ASXL3: variants seen among roughly 807,000 people sequenced by gnomAD.
ASXL3 encodes ASXL transcriptional regulator 3, also known as putative Polycomb group protein ASXL3.
A neutral mutation model predicts 170.6 loss-of-function variants in ASXL3; 34 were observed. The ratio of observed to expected loss-of-function variants is 0.20; its 90% CI spans 0.15 to 0.27. The LOEUF is 0.27. ASXL3 is among the 10% of genes least tolerant of loss of function. The pLI is 1.00. For synonymous variants in ASXL3, 1,002 were observed against 989.1 expected, an observed-to-expected ratio of 1.01 and a Z score of -0.24; for missense variants, 2,592 against 2,695.3, an observed-to-expected ratio of 0.96 and a Z score of 0.85.
chr18:33,639,732 C>G (rs949079732), intron 2 of ASXL3, among the ~76,000 whole-genome samples: 1 of 152,056 alleles, frequency 6.6e-6, no homozygotes, highest in African/African-American at 2.4e-5. Flanking sequence ...TATAGTCTAT[C>G]TAATGATATC....
intron 7 of ASXL3, among the ~76,000 whole-genome samples, chr18:33,680,152 G>T (rs1599485665): frequency 6.6e-6 from 1 of 151,722 alleles, no homozygotes; most frequent in Non-Finnish European, 1.5e-5. Flanking sequence ...AAAAATTTCG[G>T]TATCATTAAA....
At chr18:33,709,543 TG>T (rs2067020902) in intron 8 of ASXL3, among the ~76,000 whole-genome samples, 1 of 152,202 alleles carries the variant, frequency 6.6e-6, no homozygotes, top group African/African-American at 2.4e-5. Flanking sequence ...GTGTATGTAC[TG>T]TGTAATTCCA....
At chr18:33,672,987 ATTT>A (rs1027076020) in intron 7 of ASXL3, among the ~76,000 whole-genome samples, 44 of 152,250 alleles carry the variant, frequency 2.9e-4, no homozygotes, top group African/African-American at 1.0e-3. Flanking sequence ...AGGCCAAATA[ATTT>A]TAGTTATTCT....
chr18:33,659,011 A>G (rs1449560193), intron 4 of ASXL3, among the ~76,000 whole-genome samples: 2 of 152,112 alleles, frequency 1.3e-5, no homozygotes, highest in Admixed American at 1.3e-4. Context: ...TAATAAATTT[A>G]ACTCAAAATG....
chr18:33,621,044 C>A (rs1318935267), intron 2 of ASXL3, among the ~76,000 whole-genome samples: 1 of 152,116 alleles, frequency 6.6e-6, no homozygotes, highest in Admixed American at 6.6e-5. Flanking sequence ...CTCTTCAAAA[C>A]AGATCATTCA....
At chr18:33,678,987 G>A (rs952548500) in intron 7 of ASXL3, among the ~76,000 whole-genome samples, 1 of 152,108 alleles carries the variant, frequency 6.6e-6, no homozygotes, top group African/African-American at 2.4e-5. Flanking sequence ...TTTATTCTAT[G>A]ATATTCTTAA....
Position 33,746,753 on chromosome 18 carries a change from T to G in ASXL3, c.*158T>G. ...TGGCATTATTTTCTTGCATTTCTCA[T>G]AAAGGGGAGGATGCATCCCAACTGA... On this transcript the variant is annotated 3_prime_UTR_variant, in exon 12 of 12. Transcript: ENST00000269197. 2 of 1,227,666 alleles carry G rather than the reference T, an allele frequency of 1.6e-6. No individual in the cohort carries two copies. Among genetic ancestry groups the G allele is most frequent in the Non-Finnish European group, 2.2e-6 (2 of 920,870 alleles). The allele number at this position is 1,227,666 out of a possible 1,614,324, so 76.0% of individuals were successfully genotyped here.
chr18:33,678,613 GGCAACGTA>G (rs1304986223), intron 7 of ASXL3, among the ~76,000 whole-genome samples: 1 of 152,184 alleles, frequency 6.6e-6, no homozygotes, highest in East Asian at 1.9e-4. Context: ...CATAGGCTGT[GGCAACGTA>G]GCAATTGTTG....
At position 33,748,798 on chromosome 18, in the gene ASXL3, T is replaced by C. The variant is rs935702632; in HGVS notation, c.*2203T>C. 7 of 152,204 alleles carry C rather than the reference T, an allele frequency of 4.6e-5. No homozygotes were observed. Among genetic ancestry groups the C allele is most frequent in the Non-Finnish European group, 7.3e-5 (5 of 68,050 alleles). 9.4% of individuals were successfully genotyped at this position (152,204 alleles called of 1,614,324 possible). A position where few individuals can be genotyped will look rare whatever the true frequency, so the allele number is the denominator to read the frequency against. ...GTCAGATACTGTCTACACCAGCAAA[T>C]TGAAAACCATCACATCAGTAACTGA... On this transcript the variant is annotated 3_prime_UTR_variant, in exon 12 of 12. Coordinates refer to ENST00000269197, the MANE Select transcript of ASXL3 (RefSeq NM_030632.3).
intron 8 of ASXL3, among the ~76,000 whole-genome samples, chr18:33,712,843 T>A (rs2067090631): frequency 6.6e-6 from 1 of 152,202 alleles, no homozygotes; most frequent in Non-Finnish European, 1.5e-5. Flanking sequence ...TTTTTCTCTC[T>A]AATAACAGTC....
intron 10 of ASXL3, among the ~76,000 whole-genome samples, chr18:33,736,781 C>T (rs1410750054): frequency 3.9e-5 from 6 of 152,046 alleles, no homozygotes; most frequent in African/African-American, 7.2e-5. Flanking sequence ...TTTTCCTTTG[C>T]GTAGTATGGG....
intron 8 of ASXL3, among the ~76,000 whole-genome samples, chr18:33,726,580 T>G (rs1457858919): frequency 1.3e-5 from 2 of 152,178 alleles, no homozygotes; most frequent in African/African-American, 4.8e-5. Context: ...AAATAATATT[T>G]TCGATAGTTT....
rs2065046704 is a variant in ASXL3 at position 33,587,796 on chromosome 18, G to GA, written c.54+9117dup. Among the ~76,000 whole-genome samples, 6 of 151,644 alleles carry GA rather than the reference G, an allele frequency of 4.0e-5. No individual in the cohort carries two copies. In the South Asian group the frequency reaches 1.2e-3, roughly 31 times the overall value. On this transcript the variant is annotated intron_variant, in intron 1 of 11. Coordinates refer to ENST00000269197, the MANE Select transcript of ASXL3 (RefSeq NM_030632.3). Reference sequence around the variant, plus strand: ...AAAAAAAAAAGGAGAAACTTAGTAGGAAAAAACAAAAAGATCTCATATTAC... The same window carrying GA: ...AAAAAAAAAAGGAGAAACTTAGTAGGAAAAAAACAAAAAGATCTCATATTAC...
chr18:33,639,004 T>C (rs1054363694), intron 2 of ASXL3, among the ~76,000 whole-genome samples: 9 of 152,160 alleles, frequency 5.9e-5, no homozygotes, highest in Non-Finnish European at 1.0e-4. Flanking sequence ...AATTAGAAAT[T>C]AAAATCTTTT....
At chr18:33,596,037 T>TC (rs2065123390) in intron 1 of ASXL3, among the ~76,000 whole-genome samples, 1 of 152,130 alleles carries the variant, frequency 6.6e-6, no homozygotes, top group Non-Finnish European at 1.5e-5. Flanking sequence ...CTTTTTTTTT[T>TC]CATTAGGCAA....
intron 4 of ASXL3, 61 bp from the exon 5 acceptor site, chr18:33,661,555 T>A: frequency 6.7e-7 from 1 of 1,495,988 alleles, no homozygotes. Flanking sequence ...AAGTGTGTAA[T>A]TACAGTGGAT....
Position 33,745,504 on chromosome 18 carries a change from A to G in ASXL3, c.5656A>G (p.Asn1886Asp). 6.2e-7 allele frequency: 1 copy of G among 1,614,008 alleles called. No individual in the cohort carries two copies. The highest frequency in any genetic ancestry group is 8.5e-7 in the Non-Finnish European group (1 of 1,179,898). ...QEWLNKHSMQ[N>D]RIVHSPEVKQ... ...ATGGCTAAACAAGCACTCCATGCAG[A>G]ACAGAATTGTTCACAGCCCTGAGGT... Residue 1886 changes from asparagine (N) to aspartate (D), a missense_variant, in exon 12 of 12, where the codon AAC becomes GAC. Asn to Asp is a conservative substitution (Grantham distance 23). This residue lies in a region of ASXL3 where 2,246 missense variants were observed against 2,219.6 expected (regional missense o/e 1.01). Transcript: ENST00000269197.
intron 2 of ASXL3, among the ~76,000 whole-genome samples, chr18:33,637,118 T>G (rs1370931266): frequency 6.6e-6 from 1 of 152,162 alleles, no homozygotes; most frequent in Non-Finnish European, 1.5e-5. Flanking sequence ...AAAAGAGAGC[T>G]TTTGCACATT....
chr18:33,670,332 A>G (rs1382233145), intron 5 of ASXL3, among the ~76,000 whole-genome samples: 1 of 152,210 alleles, frequency 6.6e-6, no homozygotes, highest in Non-Finnish European at 1.5e-5. Context: ...GTTTCGAAAC[A>G]TTTATTTTAC....
Sources: allele counts gnomAD v4.1 joint callset (sites outside exome capture counted in the v4.1 genomes callset), GRCh38; gene constraint gnomAD v4.1.1; regional missense constraint gnomAD v4.1.1; transcripts MANE v1.5; gene names NCBI Gene and HGNC (gene_info 2026-07-23, HGNC 2026-07-21).